Variants in RBFOX1 observed in about 807,000 individuals in gnomAD.
RBFOX1 encodes RNA binding fox-1 homolog 1, also known as RNA binding protein fox-1 homolog 1.
Under a neutral mutation model 57.7 loss-of-function variants are expected in RBFOX1, and 8 were observed. The observed-to-expected ratio is 0.14, with a 90% confidence interval of 0.08 to 0.25. The LOEUF is 0.25. Ranked by LOEUF, RBFOX1 falls within the 10% of genes least tolerant of loss-of-function variation. RBFOX1 has a pLI of 1.00. For synonymous variants in RBFOX1, 326 were observed against 222.4 expected, an observed-to-expected ratio of 1.47 and a Z score of -4.15; for missense variants, 611 against 548.5, an observed-to-expected ratio of 1.11 and a Z score of -1.14.
chr16:6,174,591 T>C (rs1053656302), intron 1 of RBFOX1, among the ~76,000 whole-genome samples: 4 of 151,602 alleles, frequency 2.6e-5, no homozygotes, highest in Non-Finnish European at 5.9e-5. Context: ...TGAGAGCCTA[T>C]CTCCAAAAAA....
chr16:5,486,249 A>C (rs760572211), intron 2 of RBFOX1, among the ~76,000 whole-genome samples: 8 of 152,170 alleles, frequency 5.3e-5, no homozygotes, highest in Non-Finnish European at 8.8e-5. Context: ...GGTTCCATCA[A>C]GGGTCATCTC....
At chr16:5,933,948 C>G (rs1284331822) in intron 4 of RBFOX1, among the ~76,000 whole-genome samples, 1 of 152,082 alleles carries the variant, frequency 6.6e-6, no homozygotes, top group Non-Finnish European at 1.5e-5. Context: ...CCTCCTCCCA[C>G]CCTCCACCCT....
At chr16:6,396,270 C>G (rs1033978294) in intron 2 of RBFOX1, among the ~76,000 whole-genome samples, 2 of 152,028 alleles carry the variant, frequency 1.3e-5, no homozygotes, top group African/African-American at 4.8e-5. Context: ...AAGAGAGGTA[C>G]TGTAACTTGA....
chr16:5,414,142 G>C (rs956863490), intron 1 of RBFOX1, among the ~76,000 whole-genome samples: 7 of 152,148 alleles, frequency 4.6e-5, no homozygotes, highest in African/African-American at 1.7e-4. Context: ...ACACACCGTG[G>C]TTCTAACAAT....
chr16:7,708,366 G>A (rs140552669), intron 14 of RBFOX1, among the ~76,000 whole-genome samples: 1 of 152,292 alleles, frequency 6.6e-6, no homozygotes, highest in Non-Finnish European at 1.5e-5. Context: ...GGATGGTAGA[G>A]AGAAAAACAC....
chr16:6,798,726 G>A (rs537036424), intron 3 of RBFOX1, among the ~76,000 whole-genome samples: 3 of 152,204 alleles, frequency 2.0e-5, no homozygotes, highest in South Asian at 2.1e-4. Context: ...ATACACCCAA[G>A]ATAATGAAAA....
intron 3 of RBFOX1, among the ~76,000 whole-genome samples, chr16:5,739,039 C>CT (rs1175904900): frequency 3.3e-5 from 5 of 152,162 alleles, no homozygotes; most frequent in Non-Finnish European, 5.9e-5. Context: ...AGAAAAAACT[C>CT]TTTTTTGCTG....
chr16:6,164,316 A>C (rs2096900302), intron 1 of RBFOX1, among the ~76,000 whole-genome samples: 1 of 152,184 alleles, frequency 6.6e-6, no homozygotes, highest in African/African-American at 2.4e-5. Context: ...ATAATTATAA[A>C]TTAAACTACA....
At chr16:6,516,252 C>T (rs911285595) in intron 2 of RBFOX1, among the ~76,000 whole-genome samples, 1 of 152,212 alleles carries the variant, frequency 6.6e-6, no homozygotes, top group African/African-American at 2.4e-5. Context: ...TAGTCTCGAA[C>T]TCCTGACCTC....
At chr16:6,168,564 C>T (rs1189654140) in intron 1 of RBFOX1, among the ~76,000 whole-genome samples, 1 of 152,162 alleles carries the variant, frequency 6.6e-6, no homozygotes, top group East Asian at 1.9e-4. Flanking sequence ...AATGACCCAT[C>T]AGAGGACCCG....
intron 3 of RBFOX1, among the ~76,000 whole-genome samples, chr16:6,893,790 C>G (rs981586517): frequency 2.6e-5 from 4 of 152,150 alleles, no homozygotes; most frequent in Non-Finnish European, 4.4e-5. Context: ...AGTATTCTTT[C>G]AAGGTATCTA....
chr16:7,406,082 C>A (rs574629449), intron 4 of RBFOX1, among the ~76,000 whole-genome samples: 22 of 152,292 alleles, frequency 1.4e-4, no homozygotes, highest in Non-Finnish European at 2.6e-4. Flanking sequence ...AGGGGAGAAA[C>A]CCCATTCTGG....
chr16:7,579,866 T>C lies in RBFOX1; in HGVS notation c.360T>C (p.His120=), dbSNP rs767190235. 2.5e-6 allele frequency: 4 copies of C among 1,614,016 alleles called. No individual in the cohort carries two copies. The highest frequency in any genetic ancestry group is 1.7e-5 in the Admixed American group (1 of 60,006). ...ACAAGTCTCAGCCCAAGCGGCTGCA[T>C]GTCTCCAATATCCCCTTCAGGTTCC... ...TENKSQPKRL[H]VSNIPFRFRD... The change falls in exon 6 of 16, where the codon CAT becomes CAC. Residue 120 remains histidine (H), a synonymous_variant. Coordinates refer to ENST00000550418, the MANE Select transcript of RBFOX1 (RefSeq NM_018723.4).
At chr16:7,048,127 G>C (rs927614255) in intron 3 of RBFOX1, among the ~76,000 whole-genome samples, 7 of 151,986 alleles carry the variant, frequency 4.6e-5, no homozygotes, top group Non-Finnish European at 8.8e-5. Flanking sequence ...GATCCGACCC[G>C]CTTGGCTTCC....
chr16:7,266,226 C>T (rs957665691), intron 4 of RBFOX1, among the ~76,000 whole-genome samples: 2 of 142,770 alleles, frequency 1.4e-5, no homozygotes, highest in African/African-American at 2.6e-5. Flanking sequence ...CCGGCCGCCT[C>T]GGCCTCCCAA....
At chr16:7,633,358 A>G (rs2061283089) in intron 11 of RBFOX1, among the ~76,000 whole-genome samples, 1 of 152,240 alleles carries the variant, frequency 6.6e-6, no homozygotes, top group Non-Finnish European at 1.5e-5. Context: ...TGCATCCAAC[A>G]TCCTTCATTT....
At chr16:6,083,087 C>G (rs1363553039) in intron 1 of RBFOX1, among the ~76,000 whole-genome samples, 1 of 151,782 alleles carries the variant, frequency 6.6e-6, no homozygotes, top group African/African-American at 2.4e-5. Flanking sequence ...CTGCAACCTC[C>G]TCCTCCCAGG....
intron 2 of RBFOX1, among the ~76,000 whole-genome samples, chr16:6,640,127 C>T (rs1345100404): frequency 1.3e-5 from 2 of 152,092 alleles, no homozygotes; most frequent in Non-Finnish European, 2.9e-5. Context: ...ACACTGGTTT[C>T]TTTCTTAATG....
At chr16:7,493,445 T>C (rs2067584431) in intron 4 of RBFOX1, among the ~76,000 whole-genome samples, 1 of 152,168 alleles carries the variant, frequency 6.6e-6, no homozygotes, top group Non-Finnish European at 1.5e-5. Flanking sequence ...TTACTGTATA[T>C]GGAAAAAGGA....
Sources: gnomAD v4.1 joint callset for allele counts (sites outside exome capture counted in the v4.1 genomes callset) on GRCh38, gnomAD v4.1.1 for gene constraint, MANE v1.5 for transcripts, NCBI Gene and HGNC (gene_info 2026-07-23, HGNC 2026-07-21) for gene names.